TCHH: variants seen among roughly 807,000 people sequenced by gnomAD.
The protein encoded by TCHH is trichohyalin.
TCHH carries 6 observed loss-of-function variants against 6.3 expected under a neutral mutation model. The ratio of observed to expected loss-of-function variants is 0.95; its 90% CI spans 0.52 to 1.88. The LOEUF (loss-of-function observed/expected upper bound fraction) is 1.88. TCHH is among the 40% of genes most tolerant of loss of function. The pLI is 0.01. For synonymous variants in TCHH, 1,087 were observed against 963.6 expected (o/e 1.13, Z -2.37); for missense variants, 2,920 against 2,449.1 (o/e 1.19, Z -4.06).
In TCHH at chr1:152,108,245, C is replaced by G. The variant is rs749152495; in HGVS notation, c.4972G>C (p.Glu1658Gln). The change falls in exon 3 of 3, where the codon GAA becomes CAA. Residue 1658 changes from glutamate (E) to glutamine (Q), a missense_variant. Glu to Gln is a conservative substitution (Grantham distance 29). Transcript: ENST00000614923. ...EEPQLRRQER[E>Q]QQLRHDRDRK... ...TCGCGGTCGTGACGCAGCTGTTGTT[C>G]GCGCTCCTGGCGGCGCAGCTGCGGT... The G allele has an allele frequency of 1.1e-5, 18 of 1,610,356 alleles. No individual in the cohort carries two copies. Among genetic ancestry groups the G allele is most frequent in the Admixed American group, 5.0e-5 (3 of 59,618 alleles).
chr1:152,110,188 T>C lies in TCHH; in HGVS notation c.3029A>G (p.Lys1010Arg). ...CCTCTCCCACTCCTGGCGCCTTCTCTTCTCCCGTTCCTCTCTCAGCAGCTG... is the reference window on the plus strand; with the variant it reads ...CCTCTCCCACTCCTGGCGCCTTCTCCTCTCCCGTTCCTCTCTCAGCAGCTG... Reference protein sequence around the residue: ...EEQLLREEREKRRRQEWERQY... With the variant: ...EEQLLREERERRRRQEWERQY... The change falls in exon 3 of 3, where the codon AAG becomes AGG. Residue 1010 changes from lysine to arginine, a missense_variant. By Grantham distance (26) the Lys-to-Arg change is conservative (BLOSUM62 2). Transcript: ENST00000614923. 1 of 1,608,090 alleles carries C rather than the reference T, an allele frequency of 6.2e-7. No individual in the cohort carries two copies. Among genetic ancestry groups the C allele is most frequent in the Non-Finnish European group, 8.5e-7 (1 of 1,178,342 alleles).
Position 152,109,899 on chromosome 1 carries a change from C to T in TCHH, c.3318G>A (p.Arg1106=). 2 of 1,592,048 alleles carry T rather than the reference C, an allele frequency of 1.3e-6. No individual in the cohort carries two copies. The highest frequency in any genetic ancestry group is 1.7e-4 in the Middle Eastern group (1 of 5,984). The change falls in exon 3 of 3, where the codon CGG becomes CGA. Residue 1106 remains arginine, a synonymous_variant. Coordinates refer to ENST00000614923, the MANE Select transcript of TCHH (RefSeq NM_007113.4). ...CCTCTTCCTCCCGACATTGCCTCTC[C>T]CGCTCCTGGCGCCTTCTCTTCTCCG... The part of the protein sequence containing the change: ...EEPEKRRRQE[R]ERQCREEEEL...
At position 152,106,722 on chromosome 1, in the gene TCHH, T is replaced by G. The variant is rs1658115494; in HGVS notation, c.*663A>C. The G allele has an allele frequency of 6.6e-6, 1 of 152,216 alleles. No homozygotes were observed. Among genetic ancestry groups the G allele is most frequent in the South Asian group, 2.1e-4 (1 of 4,834 alleles). The allele number at this position is 152,216 out of a possible 1,614,324, so 9.4% of individuals were successfully genotyped here. On this transcript the variant is annotated 3_prime_UTR_variant, in exon 3 of 3. Coordinates refer to ENST00000614923, the MANE Select transcript of TCHH (RefSeq NM_007113.4). ...ATGAGATTATGTGTTTAAGTGGAGT[T>G]GAGTTTAAAAAAAATCTAATTTAAA...
chr1:152,110,553 C>G lies in TCHH; in HGVS notation c.2664G>C (p.Thr888=), dbSNP rs1234302576. 2.5e-6 allele frequency: 4 copies of G among 1,614,182 alleles called. No homozygotes were observed. The East Asian group carries it at 6.7e-5, about 27-fold the overall frequency. ...LEEERKRRRH[T]LYAKPALQEQ... is the part of the protein sequence containing the mutation. Reference sequence around the variant, plus strand: ...CTTGTAGGGCTGGCTTGGCGTACAGCGTGTGGCGGCGTCTCTTCCTTTCTT... The same window carrying G: ...CTTGTAGGGCTGGCTTGGCGTACAGGGTGTGGCGGCGTCTCTTCCTTTCTT... Residue 888 remains threonine, a synonymous_variant, in exon 3 of 3, where the codon ACG becomes ACC. Transcript: ENST00000614923.
rs761753144 is a variant in TCHH at position 152,108,677 on chromosome 1, C to G, written c.4540G>C (p.Glu1514Gln). The stretch of plus-strand genomic sequence containing the variant: ...TGTTCCTCCTCGAGGAATTTTCTCT[C>G]TGGTTCCTGACTGCGCAGTTCCTGT... The part of the protein sequence containing the change: ...REQELRSQEP[E>Q]RKFLEEEQQL... Residue 1514 changes from glutamate (E) to glutamine (Q), a missense_variant, in exon 3 of 3, where the codon GAG (glutamate) becomes CAG (glutamine). Transcript: ENST00000614923. The G allele has an allele frequency of 6.2e-7, 1 of 1,612,384 alleles. No individual in the cohort carries two copies. Among genetic ancestry groups the G allele is most frequent in the Non-Finnish European group, 8.5e-7 (1 of 1,179,696 alleles).
rs376282861 is a variant in TCHH at position 152,111,146 on chromosome 1, C to A, written c.2071G>T (p.Glu691Ter). 6.2e-7 allele frequency: 1 copy of A among 1,613,844 alleles called. No homozygotes were observed. The highest frequency in any genetic ancestry group is 8.5e-7 in the Non-Finnish European group (1 of 1,180,042). ...CTCTTAATCCGCTCCCGGGCCTGTTCCTGCTCCTCCTCAGCTAGCTCCTGC... is the reference window on the plus strand; with the variant it reads ...CTCTTAATCCGCTCCCGGGCCTGTTACTGCTCCTCCTCAGCTAGCTCCTGC... ...REQELAEEEQ[E>*]QARERIKSRI... The change falls in exon 3 of 3, where the codon GAA (glutamate) becomes TAA (stop). Residue 691 changes from glutamate to a stop codon, truncating the protein, a stop_gained. Transcript: ENST00000614923. LOFTEE classifies it low-confidence loss of function (END_TRUNC).
At position 152,110,813 on chromosome 1, in the gene TCHH, C is replaced by T; in HGVS notation, c.2404G>A (p.Glu802Lys). 3 of 1,608,086 alleles carry T rather than the reference C, an allele frequency of 1.9e-6. No individual in the cohort carries two copies. The highest frequency in any genetic ancestry group is 2.2e-5 in the East Asian group (1 of 44,788). The change falls in exon 3 of 3, where the codon GAG becomes AAG. Residue 802 changes from glutamate (E) to lysine (K), a missense_variant. Transcript: ENST00000614923. ...EQRERQLRAE[E>K]RQQREQRFLP... is the part of the protein sequence containing the mutation. ...AACCGTTGTTCCCGCTGCTGGCGCT[C>T]CTCGGCCCTCAGCTGCCTCTCCCGC...
rs1658129446 is a variant in TCHH at position 152,107,251 on chromosome 1, T to C, written c.*134A>G. 2 of 960,688 alleles carry C rather than the reference T, an allele frequency of 2.1e-6. No homozygotes were observed. The highest frequency in any genetic ancestry group is 3.0e-6 in the Non-Finnish European group (2 of 658,408). 59.5% of individuals were successfully genotyped at this position (960,688 alleles called of 1,614,324 possible). ...CGTAAAATGAGCGTAGTTTAAGATTTTGGAAGAAAAGACATTCTAATATCA... is the reference window on the plus strand; with the variant it reads ...CGTAAAATGAGCGTAGTTTAAGATTCTGGAAGAAAAGACATTCTAATATCA... On this transcript the variant is annotated 3_prime_UTR_variant, in exon 3 of 3. Transcript: ENST00000614923.
rs1658368502 is a variant in TCHH, at chr1:152,111,804, CCTCTCCTGCTCGT to C, written c.1400_1412del (p.His467ArgfsTer6). The C allele has an allele frequency of 6.2e-7, 1 of 1,604,880 alleles. No homozygotes were observed. The highest frequency in any genetic ancestry group is 8.5e-7 in the Non-Finnish European group (1 of 1,177,730). On this transcript the variant is annotated frameshift_variant, in exon 3 of 3. Transcript: ENST00000614923. LOFTEE classifies it low-confidence loss of function (END_TRUNC). ...GGTCGCGCTTCAGCTGCTGCTTGCGCCTCTCCTGCTCGTGCCTCTCCGTCTCCTCCTCGCGCTT... is the reference window on the plus strand; with the variant it reads ...GGTCGCGCTTCAGCTGCTGCTTGCGCGCCTCTCCGTCTCCTCCTCGCGCTT...
chr1:152,113,343 G>T (rs1340309351), intron 2 of TCHH, among the ~76,000 whole-genome samples: 1 of 152,206 alleles, frequency 6.6e-6, no homozygotes, highest in African/African-American at 2.4e-5. Context: ...AAGTAGAATA[G>T]CAGGTAAGCC....
chr1:152,112,397 C>T lies in TCHH; in HGVS notation c.820G>A (p.Glu274Lys). Residue 274 changes from glutamate to lysine, a missense_variant, in exon 3 of 3, where the codon GAA becomes AAA. Coordinates refer to ENST00000614923, the MANE Select transcript of TCHH (RefSeq NM_007113.4). Reference sequence around the variant, plus strand: ...TCCAGCTTCCGTAGCTGCTCTTCTTCCTCCTGGAGCTCTCTTTGCCGCTGC... The same window carrying T: ...TCCAGCTTCCGTAGCTGCTCTTCTTTCTCCTGGAGCTCTCTTTGCCGCTGC... ...EPQRQRELQE[E>K]EEQLRKLERQ... The T allele has an allele frequency of 3.1e-6, 5 of 1,613,838 alleles. No individual in the cohort carries two copies. Among genetic ancestry groups the T allele is most frequent in the Non-Finnish European group, 4.2e-6 (5 of 1,179,998 alleles).
At position 152,109,331 on chromosome 1, in the gene TCHH, C is replaced by T. The variant is rs1040291307; in HGVS notation, c.3886G>A (p.Glu1296Lys). 1.9e-6 allele frequency: 3 copies of T among 1,614,220 alleles called. No individual in the cohort carries two copies. The highest frequency in any genetic ancestry group is 2.2e-5 in the South Asian group (2 of 91,080). The change falls in exon 3 of 3, where the codon GAA (glutamate) becomes AAA (lysine). Residue 1296 changes from glutamate to lysine, a missense_variant. Transcript: ENST00000614923. The part of the protein sequence containing the change: ...WQQRDRHFPE[E>K]EQLEREEQKE... ...TGCTCTTCTCGCTCCAGCTGTTCTT[C>T]CTCTGGGAAATGCCTGTCGCGCTGC...
chr1:152,111,242 G>C lies in TCHH; in HGVS notation c.1975C>G (p.Leu659Val), dbSNP rs762485497. 21 of 1,604,122 alleles carry C rather than the reference G, an allele frequency of 1.3e-5. No homozygotes were observed. In the African/African-American group the frequency reaches 2.7e-4, roughly 21 times the overall value. ...REQQERREQR[L>V]KREEEEERLE... is the part of the protein sequence containing the mutation. ...CTCTCTTCCTCCTCCTCGCGCTTCA[G>C]CCGCTGCTCGCGCCTTTCCTGCTGC... is the stretch of plus-strand genomic sequence containing the variant. Residue 659 changes from leucine to valine, a missense_variant, in exon 3 of 3, where the codon CTG (leucine) becomes GTG (valine). Physicochemically the swap from Leu to Val is conservative, Grantham distance 32 (BLOSUM62 1). Coordinates refer to ENST00000614923, the MANE Select transcript of TCHH (RefSeq NM_007113.4).
In TCHH at chr1:152,112,492, T is replaced by G; in HGVS notation, c.725A>C (p.Glu242Ala). 3.7e-6 allele frequency: 6 copies of G among 1,613,586 alleles called. No individual in the cohort carries two copies. The highest frequency in any genetic ancestry group is 5.1e-6 in the Non-Finnish European group (6 of 1,179,986). Residue 242 changes from glutamate to alanine, a missense_variant, in exon 3 of 3, where the codon GAA becomes GCA. Coordinates refer to ENST00000614923, the MANE Select transcript of TCHH (RefSeq NM_007113.4). ...ERQDRVFQEE[E>A]EKEWRKRETV... is the part of the protein sequence containing the mutation. ...CTCGCGCTTCCTCCACTCTTTCTCT[T>G]CTTCCTCCTGGAACACTCTGTCTTG...
Position 152,108,572 on chromosome 1 carries a change from G to T in TCHH, c.4645C>A (p.Arg1549=). Residue 1549 remains arginine, a synonymous_variant, in exon 3 of 3, where the codon CGG becomes AGG. Coordinates refer to ENST00000614923, the MANE Select transcript of TCHH (RefSeq NM_007113.4). ...QLRRQERGQQ[R]RQDRDRKFRE... Reference sequence around the variant, plus strand: ...AATTTTCTGTCACGGTCCTGACGCCGCTGTTGCCCGCGCTCCTGGCGGCGC... The same window carrying T: ...AATTTTCTGTCACGGTCCTGACGCCTCTGTTGCCCGCGCTCCTGGCGGCGC... The T allele has an allele frequency of 6.2e-7, 1 of 1,608,434 alleles. No individual in the cohort carries two copies. Among genetic ancestry groups the T allele is most frequent in the African/African-American group, 1.4e-5 (1 of 73,686 alleles).
chr1:152,112,853 A>C lies in TCHH; in HGVS notation c.364T>G (p.Phe122Val). ...DRRQEEDQRR[F>V]EPRDRQLEEE... Reference sequence around the variant, plus strand: ...TCCAGTTGTCTGTCCCGGGGCTCGAATCTCCTTTGGTCTTCTTCTTGCCTG... The same window carrying C: ...TCCAGTTGTCTGTCCCGGGGCTCGACTCTCCTTTGGTCTTCTTCTTGCCTG... Residue 122 changes from phenylalanine (F) to valine (V), a missense_variant, in exon 3 of 3, where the codon TTC becomes GTC. Phe to Val is a conservative substitution (Grantham distance 50). Transcript: ENST00000614923. The C allele has an allele frequency of 6.2e-7, 1 of 1,613,596 alleles. No individual in the cohort carries two copies. Among genetic ancestry groups the C allele is most frequent in the Non-Finnish European group, 8.5e-7 (1 of 1,179,960 alleles).
chr1:152,108,824 C>G lies in TCHH; in HGVS notation c.4393G>C (p.Glu1465Gln), dbSNP rs199895852. The G allele has an allele frequency of 7.5e-6, 12 of 1,609,168 alleles. No homozygotes were observed. In the South Asian group the frequency reaches 1.1e-4, roughly 15 times the overall value. The change falls in exon 3 of 3, where the codon GAA (glutamate) becomes CAA (glutamine). Residue 1465 changes from glutamate to glutamine, a missense_variant. Transcript: ENST00000614923. Reference protein sequence around the residue: ...LRQERHRKFREEEQLLQEREE... With the variant: ...LRQERHRKFRQEEQLLQEREE... ...CTTTCCTGGAGCAGCTGTTCCTCTT[C>G]GCGGAATTTTCTGTGACGCTCCTGG...
In TCHH at chr1:152,111,724, T is replaced by C. The variant is rs753383182; in HGVS notation, c.1493A>G (p.Glu498Gly). 6.3e-7 allele frequency: 1 copy of C among 1,599,344 alleles called. No homozygotes were observed. Among genetic ancestry groups the C allele is most frequent in the South Asian group, 1.1e-5 (1 of 90,124 alleles). The change falls in exon 3 of 3, where the codon GAG becomes GGG. Residue 498 changes from glutamate (E) to glycine (G), a missense_variant. Glu to Gly is a moderately conservative substitution (Grantham distance 98, BLOSUM62 -2). Coordinates refer to ENST00000614923, the MANE Select transcript of TCHH (RefSeq NM_007113.4). ...TTGCTGCTCGCGCCTCTCCTGCTGC[T>C]CGCGCCTCTCCTCCTCCTCGAGCTT... is the stretch of plus-strand genomic sequence containing the variant. ...WLKLEEEERREQQERREQQLR... is the reference protein window; with the variant it reads ...WLKLEEEERRGQQERREQQLR...
chr1:152,109,954 T>C lies in TCHH; in HGVS notation c.3263A>G (p.Gln1088Arg). The C allele has an allele frequency of 6.3e-7, 1 of 1,582,744 alleles. No homozygotes were observed. The highest frequency in any genetic ancestry group is 8.6e-7 in the Non-Finnish European group (1 of 1,166,284). ...CTCTCTCAGCAGCTGCTCTTCCTCC[T>C]GCTGCAGCTCCTCTTCCTTCCGATA... The part of the protein sequence containing the change: ...RQYRKEEELQ[Q>R]EEEQLLREEP... Residue 1088 changes from glutamine (Q) to arginine (R), a missense_variant, in exon 3 of 3, where the codon CAG becomes CGG. Coordinates refer to ENST00000614923, the MANE Select transcript of TCHH (RefSeq NM_007113.4).
Sources: allele counts gnomAD v4.1 joint callset (sites outside exome capture counted in the v4.1 genomes callset), GRCh38; gene constraint gnomAD v4.1.1; transcripts MANE v1.5; gene names NCBI Gene and HGNC (gene_info 2026-07-23, HGNC 2026-07-21).